PHKA2: variants seen among roughly 807,000 people sequenced by gnomAD.
PHKA2 encodes phosphorylase kinase regulatory subunit alpha 2.
PHKA2 carries 31 observed loss-of-function variants against 102.0 expected under a neutral mutation model. That is an observed-to-expected ratio of 0.30 (90% CI 0.23 to 0.41). PHKA2 has a LOEUF of 0.41. Among genes scored for constraint, PHKA2 ranks in the 10% least tolerant of loss-of-function variants. The pLI, the probability that PHKA2 is intolerant of heterozygous loss-of-function variation, is 1.00. For missense variants in PHKA2, 858 were observed against 1,023.1 expected (o/e 0.84, Z 2.20); for synonymous variants, 455 against 416.2 (o/e 1.09, Z -1.13).
intron 1 of PHKA2, among the ~76,000 whole-genome samples, chrX:18,972,933 C>T (rs764200132): frequency 2.7e-5 from 3 of 112,395 alleles, no homozygotes; most frequent in South Asian, 7.3e-4. Flanking sequence ...ACATTACTTA[C>T]GAGGTTTGTA....
intron 2 of PHKA2, among the ~76,000 whole-genome samples, chrX:18,953,697 G>A (rs1259287278): frequency 1.8e-5 from 2 of 112,197 alleles, no homozygotes; most frequent in African/African-American, 6.5e-5. Context: ...GGTTAGAAAT[G>A]TGGATGCAGC....
chrX:18,943,711 TG>T lies in PHKA2; in HGVS notation c.715del (p.Gln239SerfsTer35). ...HVLPDEVEHC[Q>X]SILFSMLPRA... ...CTCTGAAATGCAAGAGGCTATTACCTGGCAGTGCTCGACCTCATCTGGCAGA... is the reference window on the plus strand; with the variant it reads ...CTCTGAAATGCAAGAGGCTATTACCTGCAGTGCTCGACCTCATCTGGCAGA... On this transcript the variant is annotated frameshift_variant and splice_region_variant, in exon 7 of 33. Coordinates refer to ENST00000379942, the MANE Select transcript of PHKA2 (RefSeq NM_000292.3). LOFTEE classifies it high-confidence loss of function. The T allele has an allele frequency of 8.4e-7, 1 of 1,195,061 alleles. No individual in the cohort carries two copies. The highest frequency in any genetic ancestry group is 1.1e-6 in the Non-Finnish European group (1 of 880,037).
intron 9 of PHKA2, among the ~76,000 whole-genome samples, chrX:18,939,491 TTTG>T (rs1283382993): frequency 9.0e-6 from 1 of 110,609 alleles, no homozygotes; most frequent in Non-Finnish European, 1.9e-5. Flanking sequence ...AAGTTGGTTT[TTTG>T]TTTTTGTTTT....
intron 5 of PHKA2, among the ~76,000 whole-genome samples, chrX:18,946,789 C>T (rs1229548295): frequency 9.3e-6 from 1 of 107,418 alleles, no homozygotes; most frequent in Non-Finnish European, 1.9e-5. Context: ...ACCCTTTCCA[C>T]AAAGACTTCT....
rs748119616 is a variant in PHKA2 at position 18,894,397 on chromosome X, G to A, written c.3344C>T (p.Pro1115Leu). 3.2e-5 allele frequency: 39 copies of A among 1,208,123 alleles called. No individual in the cohort carries two copies. In the East Asian group the frequency reaches 6.2e-4, roughly 19 times the overall value. The change falls in exon 32 of 33, where the codon CCG (proline) becomes CTG (leucine). Residue 1115 changes from proline to leucine, a missense_variant. Transcript: ENST00000379942. ...LPSSTTREMT[P>L]HEIKFAVHVE... The stretch of plus-strand genomic sequence containing the variant: ...ATGGACAGCAAACTTGATCTCATGC[G>A]GGGTCATCTACCAAAGGGACAGGCA...
At chrX:18,946,220 G>A (rs1395986986) in intron 5 of PHKA2, among the ~76,000 whole-genome samples, 1 of 111,022 alleles carries the variant, frequency 9.0e-6, no homozygotes, top group Admixed American at 9.6e-5. Flanking sequence ...GAGCCACCGC[G>A]CCTGGCCAGA....
chrX:18,973,571 T>G (rs186118505), intron 1 of PHKA2, among the ~76,000 whole-genome samples: 116 of 112,427 alleles, frequency 1.0e-3, no homozygotes, highest in African/African-American at 3.6e-3. Flanking sequence ...GTAAGTTTTA[T>G]GTTTTAACAT....
Position 18,894,195 on chromosome X carries a change from C to T in PHKA2, c.3537+9G>A. The stretch of plus-strand genomic sequence containing the variant: ...AATGCCAGCCAACCCAGCTCCCTGG[C>T]ACCCCCACCTGGTCCTGCAAGAACA... On this transcript the variant is annotated intron_variant, in intron 32 of 32. Coordinates refer to ENST00000379942, the MANE Select transcript of PHKA2 (RefSeq NM_000292.3). 1 of 1,205,869 alleles carries T rather than the reference C, an allele frequency of 8.3e-7. No homozygotes were observed. The highest frequency in any genetic ancestry group is 1.1e-6 in the Non-Finnish European group (1 of 891,384).
At chrX:18,942,803 G>A (rs2048514266) in intron 7 of PHKA2, among the ~76,000 whole-genome samples, 1 of 106,169 alleles carries the variant, frequency 9.4e-6, no homozygotes, top group Admixed American at 1.0e-4. Flanking sequence ...AGCTATGATT[G>A]CACCACTGCA....
At chrX:18,978,994 G>C (rs1477072590) in intron 1 of PHKA2, among the ~76,000 whole-genome samples, 1 of 110,077 alleles carries the variant, frequency 9.1e-6, no homozygotes, top group Non-Finnish European at 1.9e-5. Context: ...AAATTAGCCA[G>C]GTATGGTGGC....
chrX:18,893,084 T>G lies in PHKA2; in HGVS notation c.*401A>C. The G allele has an allele frequency of 4.6e-6, 1 of 217,141 alleles. No individual in the cohort carries two copies. The highest frequency in any genetic ancestry group is 8.6e-6 in the Non-Finnish European group (1 of 116,087). 17.9% of individuals were successfully genotyped at this position (217,141 alleles called of 1,213,427 possible). A position where few individuals can be genotyped will look rare whatever the true frequency, so the allele number is the denominator to read the frequency against. On this transcript the variant is annotated 3_prime_UTR_variant, in exon 33 of 33. Coordinates refer to ENST00000379942, the MANE Select transcript of PHKA2 (RefSeq NM_000292.3). ...TACTGCCGCCAGGAGGATCTTTGCA[T>G]CTTTAGGATGTGTCACTAGCTCATC...
chrX:18,893,934 T>C lies in PHKA2; in HGVS notation c.3537+270A>G, dbSNP rs2047480103. On this transcript the variant is annotated intron_variant, in intron 32 of 32. Transcript: ENST00000379942. ...CTACTCTGTTGAACTTGACTTTGTG[T>C]ACAGGGTAAGGGGTTCACCCATGGT... is the stretch of plus-strand genomic sequence containing the variant. 3 of 450,564 alleles carry C rather than the reference T, an allele frequency of 6.7e-6. No individual in the cohort carries two copies. The African/African-American group carries it at 7.3e-5, about 11-fold the overall frequency. 37.1% of individuals were successfully genotyped at this position (450,564 alleles called of 1,213,427 possible). A position where few individuals can be genotyped will look rare whatever the true frequency, so the allele number is the denominator to read the frequency against.
chrX:18,914,836 C>T (rs888819450), intron 19 of PHKA2, among the ~76,000 whole-genome samples: 1 of 111,597 alleles, frequency 9.0e-6, no homozygotes, highest in African/African-American at 3.3e-5. Context: ...CAAATAACTC[C>T]GAGTCAACAA....
Position 18,894,008 on chromosome X carries a change from A to G in PHKA2, c.3537+196T>C, listed in dbSNP as rs149157649. On this transcript the variant is annotated intron_variant, in intron 32 of 32. Coordinates refer to ENST00000379942, the MANE Select transcript of PHKA2 (RefSeq NM_000292.3). ...TTTGGACGAAAACCTGCATTGAGAC[A>G]GGCCTATCCATCCCCAAAGGTCTTG... 1,197 of 476,609 alleles carry G rather than the reference A, an allele frequency of 2.5e-3. 10 individuals carry two copies. The highest frequency in any genetic ancestry group is 0.023 in the African/African-American group (954 of 42,378). The allele number at this position is 476,609 out of a possible 1,213,427, so 39.3% of individuals were successfully genotyped here.
chrX:18,907,176 A>C, intron 22 of PHKA2, 79 bp from the exon 23 acceptor site: 1 of 674,744 alleles, frequency 1.5e-6, no homozygotes, highest in Non-Finnish European at 2.4e-6. Flanking sequence ...AGTGGGGAGG[A>C]GACACTGCCA....
At chrX:18,978,284 T>G (rs1015273705) in intron 1 of PHKA2, among the ~76,000 whole-genome samples, 1 of 111,888 alleles carries the variant, frequency 8.9e-6, no homozygotes, top group Non-Finnish European at 1.9e-5. Flanking sequence ...TACTGTATAG[T>G]TGGATTTATT....
intron 10 of PHKA2, among the ~76,000 whole-genome samples, chrX:18,937,768 T>C (rs1316620595): frequency 8.9e-6 from 1 of 112,028 alleles, no homozygotes; most frequent in Admixed American, 9.5e-5. Context: ...GAAGTGGTTT[T>C]CAAGCAAGCT....
Position 18,893,055 on chromosome X carries a change from A to G in PHKA2, c.*430T>C. ...TCCTGTGAAGAGGTGGCCCTTGTCA[A>G]GGCTACTGCCGCCAGGAGGATCTTT... On this transcript the variant is annotated 3_prime_UTR_variant, in exon 33 of 33. Coordinates refer to ENST00000379942, the MANE Select transcript of PHKA2 (RefSeq NM_000292.3). The G allele has an allele frequency of 5.0e-6, 1 of 201,728 alleles. No homozygotes were observed. The highest frequency in any genetic ancestry group is 8.1e-5 in the South Asian group (1 of 12,392). The allele number at this position is 201,728 out of a possible 1,213,427, so 16.6% of individuals were successfully genotyped here.
chrX:18,937,135 A>C (rs2147949269), intron 10 of PHKA2, among the ~76,000 whole-genome samples: 1 of 110,977 alleles, frequency 9.0e-6, no homozygotes, highest in East Asian at 2.8e-4. Flanking sequence ...TCAAGAGCTA[A>C]AGTGAATCTC....
Sources: gnomAD v4.1 joint callset for allele counts (sites outside exome capture counted in the v4.1 genomes callset) on GRCh38, gnomAD v4.1.1 for gene constraint, MANE v1.5 for transcripts, NCBI Gene and HGNC (gene_info 2026-07-23, HGNC 2026-07-21) for gene names.